MGAT3: variants seen among roughly 807,000 people sequenced by gnomAD.
MGAT3 encodes beta-1,4-mannosyl-glycoprotein 4-beta-N-acetylglucosaminyltransferase, also known as GlcNAc-T III.
A neutral mutation model predicts 29.8 loss-of-function variants in MGAT3; 9 were observed. That is an observed-to-expected ratio of 0.30 (90% CI 0.18 to 0.53). The LOEUF (loss-of-function observed/expected upper bound fraction) is 0.53, where lower values mean the gene tolerates loss of function less well. MGAT3 is among the 20% of genes least tolerant of loss of function. The pLI, the probability that MGAT3 is intolerant of heterozygous loss-of-function variation, is 0.96. For missense variants in MGAT3, 557 were observed against 769.5 expected, an observed-to-expected ratio of 0.72 and a Z score of 3.27; for synonymous variants, 397 against 348.9, an observed-to-expected ratio of 1.14 and a Z score of -1.54.
rs1929435686 is a variant in MGAT3, at chr22:39,490,928, T to G, written c.*1979T>G. On this transcript the variant is annotated 3_prime_UTR_variant, in exon 2 of 2. Coordinates refer to ENST00000341184, the MANE Select transcript of MGAT3 (RefSeq NM_002409.5). ...GCCTAGAAAGCAAAGCTAAAGGGGA[T>G]GCAGGGTCTGTCTGTCTGTCTGTCT... The G allele has an allele frequency of 6.0e-6, 1 of 167,006 alleles. No homozygotes were observed. The highest frequency in any genetic ancestry group is 6.6e-5 in the Admixed American group (1 of 15,264). 10.3% of individuals were successfully genotyped at this position (167,006 alleles called of 1,614,324 possible). A position where few individuals can be genotyped will look rare whatever the true frequency, so the allele number is the denominator to read the frequency against.
At chr22:39,468,982 G>A (rs1418605208) in intron 1 of MGAT3, among the ~76,000 whole-genome samples, 1 of 152,012 alleles carries the variant, frequency 6.6e-6, no homozygotes, top group East Asian at 1.9e-4. Flanking sequence ...GGCAGCATCA[G>A]ATGTGGCTTT....
At position 39,490,151 on chromosome 22, in the gene MGAT3, C is replaced by A. The variant is rs557597816; in HGVS notation, c.*1202C>A. ...TTGAGATGGCCCAGAGCTGGTAGGG[C>A]AGCTCTGCGTTTCTTCATACGCACC... is the stretch of plus-strand genomic sequence containing the variant. On this transcript the variant is annotated 3_prime_UTR_variant, in exon 2 of 2. Transcript: ENST00000341184. 12 of 167,252 alleles carry A rather than the reference C, an allele frequency of 7.2e-5. No individual in the cohort carries two copies. The highest frequency in any genetic ancestry group is 2.6e-4 in the Admixed American group (4 of 15,312). The allele number at this position is 167,252 out of a possible 1,614,324, so 10.4% of individuals were successfully genotyped here.
chr22:39,481,299 A>G lies in MGAT3; in HGVS notation c.-1-6048A>G, dbSNP rs572568791. 3.3e-5 allele frequency among the ~76,000 whole-genome samples: 5 copies of G among 152,232 alleles called. No individual in the cohort carries two copies. The South Asian group carries it at 1.0e-3, about 32-fold the overall frequency. On this transcript the variant is annotated intron_variant, in intron 1 of 1. Transcript: ENST00000341184. The stretch of plus-strand genomic sequence containing the variant: ...TCGGTGAGCCTGCCCTGCCCACTCC[A>G]TTCATCACTGGACATAATGACGCAC...
intron 1 of MGAT3, among the ~76,000 whole-genome samples, chr22:39,478,216 C>T (rs956777948): frequency 6.6e-6 from 1 of 152,234 alleles, no homozygotes; most frequent in African/African-American, 2.4e-5. Context: ...CCAAGGTGTA[C>T]CAGGGCTGGG....
At chr22:39,464,365 C>A (rs985510942) in intron 1 of MGAT3, among the ~76,000 whole-genome samples, 2 of 151,966 alleles carry the variant, frequency 1.3e-5, no homozygotes, top group African/African-American at 4.8e-5. Context: ...ATGGGTTGGG[C>A]CCCCGGGCTG....
rs1929419057 is a variant in MGAT3, at chr22:39,490,336, A to G, written c.*1387A>G. The G allele has an allele frequency of 6.0e-6, 1 of 167,050 alleles. No homozygotes were observed. Among genetic ancestry groups the G allele is most frequent in the Non-Finnish European group, 1.5e-5 (1 of 68,138 alleles). The allele number at this position is 167,050 out of a possible 1,614,324, so 10.3% of individuals were successfully genotyped here. Reference sequence around the variant, plus strand: ...CTCTGCTGGCCTCTCATTGGCTGGGACTCAGTCACATGGCCACAAGCAGCT... The same window carrying G: ...CTCTGCTGGCCTCTCATTGGCTGGGGCTCAGTCACATGGCCACAAGCAGCT... On this transcript the variant is annotated 3_prime_UTR_variant, in exon 2 of 2. Transcript: ENST00000341184.
chr22:39,460,966 C>T (rs1021954497), intron 1 of MGAT3, among the ~76,000 whole-genome samples: 2 of 152,072 alleles, frequency 1.3e-5, no homozygotes, highest in Non-Finnish European at 2.9e-5. Flanking sequence ...GTGTTGTTTA[C>T]GTGTCCCTGA....
At chr22:39,466,742 T>C (rs1257016656) in intron 1 of MGAT3, among the ~76,000 whole-genome samples, 3 of 152,230 alleles carry the variant, frequency 2.0e-5, no homozygotes, top group Non-Finnish European at 4.4e-5. Context: ...TGGTCATCCC[T>C]GTTGGCTGAT....
intron 1 of MGAT3, among the ~76,000 whole-genome samples, chr22:39,483,941 G>C (rs1410566270): frequency 6.6e-6 from 1 of 152,178 alleles, no homozygotes; most frequent in Non-Finnish European, 1.5e-5. Flanking sequence ...AGGGATATCT[G>C]AGCTCGAATG....
chr22:39,475,128 CTTTTT>C (rs58543840), intron 1 of MGAT3, among the ~76,000 whole-genome samples: 43 of 118,756 alleles, frequency 3.6e-4, no homozygotes, highest in African/African-American at 3.7e-4. Context: ...GCTTGCCAGG[CTTTTT>C]TTTTTTTTTT....
In MGAT3 at chr22:39,488,546, G is replaced by T; in HGVS notation, c.1199G>T (p.Gly400Val). 3 of 1,613,256 alleles carry T rather than the reference G, an allele frequency of 1.9e-6. No individual in the cohort carries two copies. Among genetic ancestry groups the T allele is most frequent in the Non-Finnish European group, 2.5e-6 (3 of 1,180,018 alleles). ...PNFRQYENRT[G>V]HILVQWSLGS... Reference sequence around the variant, plus strand: ...TTCAGACAGTATGAGAACCGCACCGGCCACATCCTGGTGCAGTGGTCGCTG... The same window carrying T: ...TTCAGACAGTATGAGAACCGCACCGTCCACATCCTGGTGCAGTGGTCGCTG... Residue 400 changes from glycine to valine, a missense_variant, in exon 2 of 2, where the codon GGC (glycine) becomes GTC (valine). By Grantham distance (109) the Gly-to-Val change is moderately radical (BLOSUM62 -3). Around this residue, in one of 3 missense-constraint regions of MGAT3, gnomAD observed 243 missense variants for 444.0 expected, o/e 0.55. Coordinates refer to ENST00000341184, the MANE Select transcript of MGAT3 (RefSeq NM_002409.5).
chr22:39,486,128 C>T, intron 1 of MGAT3: 1 of 411,448 alleles, frequency 2.4e-6, no homozygotes, highest in South Asian at 1.7e-5. Context: ...CATATAAAGC[C>T]AGAGATAGAC....
Position 39,488,493 on chromosome 22 carries a change from C to T in MGAT3, c.1146C>T (p.Arg382=). 1 of 1,612,954 alleles carries T rather than the reference C, an allele frequency of 6.2e-7. No individual in the cohort carries two copies. Among genetic ancestry groups the T allele is most frequent in the South Asian group, 1.1e-5 (1 of 91,088 alleles). Residue 382 remains arginine, a synonymous_variant, in exon 2 of 2, where the codon CGC becomes CGT. Transcript: ENST00000341184. ...ATGGGCTGGACGGCATCCGCCTGCGCCGCCGCCAGTACTACACCATGCCCA... is the reference window on the plus strand; with the variant it reads ...ATGGGCTGGACGGCATCCGCCTGCGTCGCCGCCAGTACTACACCATGCCCA... ...AVYGLDGIRL[R]RRQYYTMPNF...
chr22:39,471,581 C>G (rs1928812518), intron 1 of MGAT3, among the ~76,000 whole-genome samples: 1 of 151,992 alleles, frequency 6.6e-6, no homozygotes, highest in Non-Finnish European at 1.5e-5. Flanking sequence ...CCCCGCCCTT[C>G]CGGCCATCAG....
chr22:39,457,849 G>A lies in MGAT3; in HGVS notation c.-2+292G>A, dbSNP rs563752135. On this transcript the variant is annotated intron_variant, in intron 1 of 1. Transcript: ENST00000341184. The surrounding 1 kb of genome is among the most constrained non-coding windows in gnomAD (Gnocchi z 6.8). The stretch of plus-strand genomic sequence containing the variant: ...GCCCGACCCCCTCCCACGGCCGGGC[G>A]GGGGACGTCCCCGAGGCGCGGGGCT... Among the ~76,000 whole-genome samples, 3 of 151,464 alleles carry A rather than the reference G, an allele frequency of 2.0e-5. No individual in the cohort carries two copies. Among genetic ancestry groups the A allele is most frequent in the South Asian group, 4.1e-4 (2 of 4,828 alleles).
intron 1 of MGAT3, among the ~76,000 whole-genome samples, chr22:39,481,326 C>G (rs539982888): frequency 6.6e-6 from 1 of 152,252 alleles, no homozygotes; most frequent in Non-Finnish European, 1.5e-5. Context: ...ATGACGCACT[C>G]GCTCCTGCCC....
rs903783407 is a variant in MGAT3 at position 39,484,365 on chromosome 22, TTTTG to T, written c.-1-2967_-1-2964del. ...CAGAATGATTAGGAGCCTTGTTTTT[TTTTG>T]TTTGTTTGTTTGTTGTTTTTTGAGA... On this transcript the variant is annotated intron_variant, in intron 1 of 1. Transcript: ENST00000341184. 4.7e-4 allele frequency among the ~76,000 whole-genome samples: 72 copies of T among 152,188 alleles called. 1 individual carries two copies. Among genetic ancestry groups the T allele is most frequent in the South Asian group, 4.2e-4 (2 of 4,812 alleles).
chr22:39,467,810 A>AG (rs1491469941), intron 1 of MGAT3, among the ~76,000 whole-genome samples: 6 of 98,752 alleles, frequency 6.1e-5, no homozygotes, highest in African/African-American at 1.9e-4. Context: ...GCTCAGTCTC[A>AG]AAAAAAAAAA....
chr22:39,460,950 C>T (rs1006593866), intron 1 of MGAT3, among the ~76,000 whole-genome samples: 3 of 152,138 alleles, frequency 2.0e-5, no homozygotes, highest in Non-Finnish European at 4.4e-5. Context: ...ACCTGCCCTT[C>T]GAGATGTGTT....
Sources: allele counts gnomAD v4.1 joint callset (sites outside exome capture counted in the v4.1 genomes callset), GRCh38; gene constraint gnomAD v4.1.1; regional missense constraint gnomAD v4.1.1; non-coding constraint Gnocchi (gnomAD v3.1); transcripts MANE v1.5; gene names NCBI Gene and HGNC (gene_info 2026-07-23, HGNC 2026-07-21).